RGS7BP: variants seen among roughly 807,000 people sequenced by gnomAD.
RGS7BP encodes the protein regulator of G protein signaling 7-binding protein.
A neutral mutation model predicts 31.3 loss-of-function variants in RGS7BP; 9 were observed. That is an observed-to-expected ratio of 0.29 (90% CI 0.17 to 0.50). RGS7BP has a LOEUF of 0.50. Ranked by LOEUF, RGS7BP falls within the 20% of genes least tolerant of loss-of-function variation. The pLI is 0.98. For missense variants in RGS7BP, 274 were observed against 322.0 expected (o/e 0.85, Z 1.14); for synonymous variants, 115 against 120.1 (o/e 0.96, Z 0.28).
chr5:64,543,542 T>A (rs78040416), intron 2 of RGS7BP, among the ~76,000 whole-genome samples: 2 of 151,952 alleles, frequency 1.3e-5, no homozygotes, highest in African/African-American at 4.8e-5. Context: ...GAAAAAAGTT[T>A]AAAAAAAAAT....
chr5:64,507,252 G>A (rs1228357089), intron 1 of RGS7BP, among the ~76,000 whole-genome samples: 1 of 152,194 alleles, frequency 6.6e-6, no homozygotes, highest in African/African-American at 2.4e-5. Context: ...GAGAGGTTCA[G>A]TGGCCCAGCA....
chr5:64,604,533 A>C (rs1454989151), intron 5 of RGS7BP, among the ~76,000 whole-genome samples: 2 of 152,118 alleles, frequency 1.3e-5, no homozygotes, highest in African/African-American at 4.8e-5. Flanking sequence ...AGTGGTTCTC[A>C]AAGTGTGCTC....
chr5:64,583,076 G>A (rs1446300210), intron 3 of RGS7BP, among the ~76,000 whole-genome samples: 2 of 152,152 alleles, frequency 1.3e-5, no homozygotes, highest in Non-Finnish European at 2.9e-5. Context: ...TGGGTGGTGA[G>A]AGACTGCAGT....
chr5:64,535,392 A>G (rs1749479581), intron 2 of RGS7BP, among the ~76,000 whole-genome samples: 1 of 152,202 alleles, frequency 6.6e-6, no homozygotes, highest in African/African-American at 2.4e-5. Flanking sequence ...CCTAATGGCT[A>G]CAAGAAACTT....
At chr5:64,579,543 C>CAAAA (rs34003776) in intron 3 of RGS7BP, among the ~76,000 whole-genome samples, 27 of 53,268 alleles carry the variant, frequency 5.1e-4, no homozygotes, top group Admixed American at 1.3e-3. Context: ...GACTCCATCT[C>CAAAA]AAAAAAAAAA....
chr5:64,597,833 T>A (rs1326976242), intron 4 of RGS7BP, among the ~76,000 whole-genome samples: 1 of 152,078 alleles, frequency 6.6e-6, no homozygotes, highest in Non-Finnish European at 1.5e-5. Context: ...AAGCACAGAC[T>A]TCACCACTAT....
chr5:64,550,386 G>A (rs975691864), intron 2 of RGS7BP, among the ~76,000 whole-genome samples: 2 of 152,058 alleles, frequency 1.3e-5, no homozygotes, highest in Non-Finnish European at 2.9e-5. Context: ...GCTTTCTGAT[G>A]TCTCTTTTTC....
intron 3 of RGS7BP, among the ~76,000 whole-genome samples, chr5:64,585,714 A>G (rs913780392): frequency 3.3e-5 from 5 of 152,174 alleles, no homozygotes; most frequent in African/African-American, 1.2e-4. Context: ...TATGTGCTTC[A>G]TGGGTGGCTT....
intron 2 of RGS7BP, among the ~76,000 whole-genome samples, chr5:64,525,307 G>C (rs1208638467): frequency 1.3e-5 from 2 of 152,152 alleles, no homozygotes; most frequent in East Asian, 3.9e-4. Context: ...CTAAGGCAAG[G>C]AATAACAGAA....
At chr5:64,547,463 C>G (rs1741685121) in intron 2 of RGS7BP, among the ~76,000 whole-genome samples, 1 of 152,202 alleles carries the variant, frequency 6.6e-6, no homozygotes, top group Non-Finnish European at 1.5e-5. Context: ...TAAACCACAG[C>G]TTCTCAGCTG....
At chr5:64,588,806 G>A (rs888646529) in intron 3 of RGS7BP, among the ~76,000 whole-genome samples, 1 of 151,366 alleles carries the variant, frequency 6.6e-6, no homozygotes, top group Non-Finnish European at 1.5e-5. Flanking sequence ...TGAGTATGGA[G>A]AGTACTTAAA....
At chr5:64,586,710 C>T (rs1396103588) in intron 3 of RGS7BP, among the ~76,000 whole-genome samples, 1 of 152,206 alleles carries the variant, frequency 6.6e-6, no homozygotes, top group African/African-American at 2.4e-5. Flanking sequence ...TAGCAGAGTG[C>T]CTCAGGCAGA....
intron 2 of RGS7BP, among the ~76,000 whole-genome samples, chr5:64,561,543 G>T (rs554270574): frequency 3.9e-5 from 6 of 152,190 alleles, no homozygotes; most frequent in African/African-American, 1.2e-4. Flanking sequence ...TGAGGATAGG[G>T]ATAGCAACTA....
At chr5:64,604,948 T>C (rs981448641) in intron 5 of RGS7BP, among the ~76,000 whole-genome samples, 12 of 152,182 alleles carry the variant, frequency 7.9e-5, no homozygotes, top group Admixed American at 7.2e-4. Context: ...GGTGGGAGTA[T>C]TGCTTGAGGC....
intron 2 of RGS7BP, among the ~76,000 whole-genome samples, chr5:64,528,192 G>A (rs961760024): frequency 2.0e-5 from 3 of 152,188 alleles, no homozygotes; most frequent in African/African-American, 7.2e-5. Flanking sequence ...TGCAGTATTT[G>A]TTCTGGGTCC....
intron 5 of RGS7BP, among the ~76,000 whole-genome samples, chr5:64,601,690 T>A (rs1476763587): frequency 6.6e-6 from 1 of 152,188 alleles, no homozygotes. Flanking sequence ...TCCTACATTC[T>A]AGGACACTGG....
At chr5:64,519,949 C>T (rs1016631379) in intron 2 of RGS7BP, among the ~76,000 whole-genome samples, 2 of 152,166 alleles carry the variant, frequency 1.3e-5, no homozygotes, top group East Asian at 3.9e-4. Context: ...GGACTGATAT[C>T]TTCATGATTC....
chr5:64,508,797 A>T (rs1748759872), intron 2 of RGS7BP, among the ~76,000 whole-genome samples: 1 of 152,324 alleles, frequency 6.6e-6, no homozygotes, highest in East Asian at 1.9e-4. Flanking sequence ...TCACCTGATA[A>T]TGTTACAAGC....
At chr5:64,528,005 A>G (rs1400738991) in intron 2 of RGS7BP, among the ~76,000 whole-genome samples, 1 of 152,252 alleles carries the variant, frequency 6.6e-6, no homozygotes, top group Non-Finnish European at 1.5e-5. Flanking sequence ...TCTCAAAAAT[A>G]ATTATATCTC....
Sources: gnomAD v4.1 joint callset for allele counts (sites outside exome capture counted in the v4.1 genomes callset) on GRCh38, gnomAD v4.1.1 for gene constraint, MANE v1.5 for transcripts, NCBI Gene and HGNC (gene_info 2026-07-23, HGNC 2026-07-21) for gene names.